HDAC4: variants seen among roughly 807,000 people sequenced by gnomAD.
HDAC4 encodes histone deacetylase A.
HDAC4 carries 16 observed loss-of-function variants against 135.1 expected under a neutral mutation model. The ratio of observed to expected loss-of-function variants is 0.12; its 90% CI spans 0.08 to 0.18. The LOEUF (loss-of-function observed/expected upper bound fraction) is 0.18, where lower values mean the gene tolerates loss of function less well. Ranked by LOEUF, HDAC4 falls within the 10% of genes least tolerant of loss-of-function variation. The probability of loss-of-function intolerance (pLI) is 1.00; values close to 1 mark genes in which losing one functional copy is unlikely to be tolerated. For missense variants in HDAC4, 1,143 were observed against 1,511.8 expected (o/e 0.76, Z 4.05); for synonymous variants, 685 against 653.4 (o/e 1.05, Z -0.74).
At chr2:239,092,557 C>A (rs2036616770) in intron 17 of HDAC4, among the ~76,000 whole-genome samples, 1 of 152,194 alleles carries the variant, frequency 6.6e-6, no homozygotes, top group African/African-American at 2.4e-5. Context: ...TGTGTCTGTG[C>A]CCCCTCCCAT....
Position 239,156,701 on chromosome 2 carries a change from C to T in HDAC4, c.684G>A (p.Pro228=), listed in dbSNP as rs144387989. The change falls in exon 7 of 27, where the codon CCG becomes CCA. Residue 228 remains proline (P), a synonymous_variant. Coordinates refer to ENST00000543185, the MANE Select transcript of HDAC4 (RefSeq NM_001378414.1). ...CTTTGGCGTCGTACATTCCCAGGAC[C>T]GGGTGGTTATAGGAGGTCGACACTC... ...QSGVSTSYNH[P]VLGMYDAKDD... 4,682 of 1,614,110 alleles carry T rather than the reference C, an allele frequency of 2.9e-3. 12 individuals are homozygous for T. Among genetic ancestry groups the T allele is most frequent in the Non-Finnish European group, 3.6e-3 (4,269 of 1,180,026 alleles).
At chr2:239,055,104 G>A in intron 24 of HDAC4, 1 of 400,464 alleles carries the variant, frequency 2.5e-6, no homozygotes, top group Non-Finnish European at 4.7e-6. Flanking sequence ...AGTGGGGCTG[G>A]CACCTGCACG....
intron 4 of HDAC4, among the ~76,000 whole-genome samples, chr2:239,184,473 G>C (rs1359006593): frequency 7.0e-6 from 1 of 142,170 alleles, no homozygotes; most frequent in Non-Finnish European, 1.5e-5. Context: ...GGGTCCCTCA[G>C]TGTCTGTCCT....
intron 11 of HDAC4, among the ~76,000 whole-genome samples, chr2:239,130,285 A>G (rs533272374): frequency 2.4e-3 from 358 of 152,300 alleles, no homozygotes; most frequent in Non-Finnish European, 3.9e-3. Context: ...ATTATAGGAC[A>G]TGAACCACGG....
Position 239,349,492 on chromosome 2 carries a change from T to C in HDAC4, c.22+3186A>G, listed in dbSNP as rs80324222. On this transcript the variant is annotated intron_variant, in intron 2 of 26. Coordinates refer to ENST00000543185, the MANE Select transcript of HDAC4 (RefSeq NM_001378414.1). The surrounding 1 kb of genome is among the most constrained non-coding windows in gnomAD (Gnocchi z 5.7). ...GCCTGGGAGCGGACGGACAGGTGCA[T>C]CAGCTGACAAGAAACACAGAGGAAC... is the stretch of plus-strand genomic sequence containing the variant. Among the ~76,000 whole-genome samples, 599 of 152,268 alleles carry C rather than the reference T, an allele frequency of 3.9e-3. 4 individuals carry two copies. Among genetic ancestry groups the C allele is most frequent in the African/African-American group, 0.014 (577 of 41,552 alleles).
rs191135481 is a variant in HDAC4, at chr2:239,190,682, G to A, written c.95-605C>T. Among the ~76,000 whole-genome samples, 19 of 152,336 alleles carry A rather than the reference G, an allele frequency of 1.2e-4. No homozygotes were observed. In the East Asian group the frequency reaches 1.7e-3, roughly 14 times the overall value. On this transcript the variant is annotated intron_variant, in intron 3 of 26. Transcript: ENST00000543185. ...GTTTACCAGACACAGCCAACGAGAC[G>A]TGCTCCTGGCTCTTGGCACAAGTGC...
chr2:239,320,275 G>A (rs770957604), intron 2 of HDAC4, among the ~76,000 whole-genome samples: 3 of 151,678 alleles, frequency 2.0e-5, no homozygotes, highest in East Asian at 1.9e-4. Context: ...CCAGCTACTC[G>A]GGAGGGTGAG....
intron 3 of HDAC4, among the ~76,000 whole-genome samples, chr2:239,215,125 G>A (rs944116510): frequency 6.6e-6 from 1 of 152,246 alleles, no homozygotes; most frequent in Non-Finnish European, 1.5e-5. Flanking sequence ...ATATCACCAA[G>A]GGAATGACTC....
At chr2:239,156,812 G>T in intron 6 of HDAC4, 39 bp from the exon 7 acceptor site, 1 of 1,613,540 alleles carries the variant, frequency 6.2e-7, no homozygotes, top group Middle Eastern at 1.6e-4. Flanking sequence ...AGTTTACCCA[G>T]CGCACTGCCC....
At position 239,111,548 on chromosome 2, in the gene HDAC4, G is replaced by C. The variant is rs999277586; in HGVS notation, c.1956C>G (p.Pro652=). ...ATFPVSVQEP[P]TKPRFTTGLV... ...TACCTGTCGTGAACCTCGGCTTGGT[G>C]GGGGGCTCCTGCACAGACACGGGGA... Residue 652 remains proline (P), a synonymous_variant, in exon 14 of 27, where the codon CCC becomes CCG. Transcript: ENST00000543185. 1.9e-6 allele frequency: 3 copies of C among 1,612,194 alleles called. No individual in the cohort carries two copies. The African/African-American group carries it at 4.0e-5, about 22-fold the overall frequency.
chr2:239,220,064 C>T (rs2046864521), intron 3 of HDAC4, among the ~76,000 whole-genome samples: 2 of 152,200 alleles, frequency 1.3e-5, no homozygotes, highest in Non-Finnish European at 2.9e-5. Context: ...TGCAAGCCTC[C>T]ATGAAACATT....
In HDAC4 at chr2:239,133,032, C is replaced by G. The variant is rs115292292; in HGVS notation, c.1294+1213G>C. 5.2e-3 allele frequency among the ~76,000 whole-genome samples: 797 copies of G among 152,286 alleles called. 11 individuals carry two copies. Among genetic ancestry groups the G allele is most frequent in the African/African-American group, 0.018 (756 of 41,548 alleles). ...GGCTGCCCCCTCCCTCGTTACACCACGGGCTCCTCTGCTCTGGACAGGCAG... is the reference window on the plus strand; with the variant it reads ...GGCTGCCCCCTCCCTCGTTACACCAGGGGCTCCTCTGCTCTGGACAGGCAG... On this transcript the variant is annotated intron_variant, in intron 11 of 26. Transcript: ENST00000543185.
At chr2:239,248,241 CG>C (rs1243959319) in intron 2 of HDAC4, among the ~76,000 whole-genome samples, 2 of 151,568 alleles carry the variant, frequency 1.3e-5, no homozygotes, top group African/African-American at 4.9e-5. Context: ...AGTGCAGTGG[CG>C]TGATCTCGGC....
chr2:239,151,789 G>A (rs946212135), intron 7 of HDAC4, among the ~76,000 whole-genome samples: 5 of 152,230 alleles, frequency 3.3e-5, no homozygotes, highest in African/African-American at 1.2e-4. Flanking sequence ...AAAAGAGCCA[G>A]GACAATCCAT....
intron 1 of HDAC4, among the ~76,000 whole-genome samples, chr2:239,397,693 C>A (rs1696659721): frequency 6.6e-6 from 1 of 152,206 alleles, no homozygotes; most frequent in African/African-American, 2.4e-5. Context: ...TTCCCACGCA[C>A]AGAAGCCCAA....
chr2:239,189,182 G>A (rs909045750), intron 4 of HDAC4, among the ~76,000 whole-genome samples: 12 of 152,156 alleles, frequency 7.9e-5, no homozygotes, highest in African/African-American at 2.7e-4. Flanking sequence ...CTATTAGACG[G>A]TGTTGCTCTA....
chr2:239,252,472 C>T (rs1276096644), intron 2 of HDAC4, among the ~76,000 whole-genome samples: 1 of 152,232 alleles, frequency 6.6e-6, no homozygotes, highest in African/African-American at 2.4e-5. Context: ...CTCTGACTTT[C>T]CCCTCCTTCA....
intron 2 of HDAC4, among the ~76,000 whole-genome samples, chr2:239,297,244 A>C (rs1177588661): frequency 6.6e-6 from 1 of 152,088 alleles, no homozygotes; most frequent in Non-Finnish European, 1.5e-5. Context: ...GCGCTCACCC[A>C]AACCTTGGCC....
chr2:239,161,669 G>A (rs1559535249), intron 6 of HDAC4: 1 of 284,346 alleles, frequency 3.5e-6, no homozygotes, highest in Non-Finnish European at 7.1e-6. Context: ...GGTCCCCAGA[G>A]CCCTCTGAGA....
Sources: gnomAD v4.1 joint callset for allele counts (sites outside exome capture counted in the v4.1 genomes callset) on GRCh38, gnomAD v4.1.1 for gene constraint, Gnocchi (gnomAD v3.1) non-coding constraint, MANE v1.5 for transcripts, NCBI Gene and HGNC (gene_info 2026-07-23, HGNC 2026-07-21) for gene names.